Variants in ADAMTS12 observed in about 807,000 individuals in gnomAD.
ADAMTS12 encodes the protein ADAM metallopeptidase with thrombospondin type 1 motif 12, also known as A disintegrin and metalloproteinase with thrombospondin motifs 12.
In ADAMTS12, 118 loss-of-function variants were observed where a neutral mutation model predicts 167.8. The observed-to-expected ratio is 0.70, with a 90% CI of 0.61 to 0.82. The LOEUF is 0.82. Ranked by LOEUF, ADAMTS12 falls within the 40% of genes least tolerant of loss-of-function variation. ADAMTS12 has a pLI of 0.00. For missense variants in ADAMTS12, 1,916 were observed against 1,998.8 expected (o/e 0.96, Z 0.79); for synonymous variants, 704 against 716.9 (o/e 0.98, Z 0.29).
chr5:33,529,414 A>T (rs554276513), intron 23 of ADAMTS12, among the ~76,000 whole-genome samples: 93 of 152,010 alleles, frequency 6.1e-4, no homozygotes, highest in Non-Finnish European at 1.1e-3. Flanking sequence ...CTAGAAAGTG[A>T]AGTTGTTTTA....
chr5:33,671,197 T>C (rs1313643494), intron 5 of ADAMTS12, among the ~76,000 whole-genome samples: 1 of 152,120 alleles, frequency 6.6e-6, no homozygotes, highest in Non-Finnish European at 1.5e-5. Context: ...TATGAAAGGG[T>C]AGCACAAGGG....
chr5:33,526,991 G>A lies in ADAMTS12; in HGVS notation c.*197C>T. The A allele has an allele frequency of 1.6e-6, 1 of 613,850 alleles. No homozygotes were observed. Among genetic ancestry groups the A allele is most frequent in the Non-Finnish European group, 2.8e-6 (1 of 362,750 alleles). The allele number at this position is 613,850 out of a possible 1,614,324, so 38.0% of individuals were successfully genotyped here. On this transcript the variant is annotated 3_prime_UTR_variant, in exon 24 of 24. Transcript: ENST00000504830. ...AGCTATTTCACCTTCCTATCAGGGA[G>A]CAGCAAGTACGGCAGCCTAGGCCTC...
At chr5:33,692,034 A>G (rs1014251308) in intron 3 of ADAMTS12, among the ~76,000 whole-genome samples, 3 of 152,350 alleles carry the variant, frequency 2.0e-5, no homozygotes, top group South Asian at 2.1e-4. Context: ...AATACTGAAC[A>G]TGCCTGAGGC....
chr5:33,757,904 T>C (rs1745222055), intron 2 of ADAMTS12, among the ~76,000 whole-genome samples: 1 of 152,186 alleles, frequency 6.6e-6, no homozygotes, highest in Non-Finnish European at 1.5e-5. Context: ...CATTTCATCA[T>C]AGCATCGTCT....
intron 3 of ADAMTS12, among the ~76,000 whole-genome samples, chr5:33,730,290 GTGTGTGT>G (rs1250272187): frequency 0.086 from 967 of 11,290 alleles, 9 homozygotes; most frequent in African/African-American, 0.19. Flanking sequence ...GTCCATTAGG[GTGTGTGT>G]GTGTGTGTGT....
chr5:33,829,226 T>C (rs1748207922), intron 2 of ADAMTS12, among the ~76,000 whole-genome samples: 1 of 152,098 alleles, frequency 6.6e-6, no homozygotes, highest in Admixed American at 6.6e-5. Context: ...CAAGCTGGCG[T>C]TCCTGAATGT....
chr5:33,653,030 T>C (rs939613203), intron 7 of ADAMTS12, among the ~76,000 whole-genome samples: 5 of 152,170 alleles, frequency 3.3e-5, no homozygotes, highest in Admixed American at 2.0e-4. Flanking sequence ...CCTTATCTTA[T>C]TGTACTGGCT....
At chr5:33,539,219 G>A (rs1049362568) in intron 22 of ADAMTS12, among the ~76,000 whole-genome samples, 1 of 152,220 alleles carries the variant, frequency 6.6e-6, no homozygotes, top group Non-Finnish European at 1.5e-5. Flanking sequence ...TAGGACTACA[G>A]GTGTGAGCCA....
At chr5:33,717,049 T>C (rs554041206) in intron 3 of ADAMTS12, among the ~76,000 whole-genome samples, 3 of 152,010 alleles carry the variant, frequency 2.0e-5, no homozygotes, top group South Asian at 4.2e-4. Flanking sequence ...TCCTACCCTA[T>C]AGAGTTATGA....
chr5:33,846,635 T>A (rs1405504626), intron 2 of ADAMTS12, among the ~76,000 whole-genome samples: 1 of 152,192 alleles, frequency 6.6e-6, no homozygotes, highest in Non-Finnish European at 1.5e-5. Context: ...AAAGGCAAAG[T>A]TAGAGATCTT....
intron 2 of ADAMTS12, among the ~76,000 whole-genome samples, chr5:33,758,797 T>G (rs543897507): frequency 6.6e-6 from 1 of 152,204 alleles, no homozygotes; most frequent in South Asian, 2.1e-4. Flanking sequence ...ACAGCCCAGA[T>G]TCAGATACTG....
intron 20 of ADAMTS12, among the ~76,000 whole-genome samples, chr5:33,550,026 C>T (rs895630108): frequency 2.6e-5 from 4 of 152,182 alleles, no homozygotes; most frequent in South Asian, 2.1e-4. Flanking sequence ...AGCACCATCA[C>T]GTGCAGCCAT....
chr5:33,712,642 C>T (rs1428584710), intron 3 of ADAMTS12, among the ~76,000 whole-genome samples: 1 of 152,090 alleles, frequency 6.6e-6, no homozygotes, highest in Non-Finnish European at 1.5e-5. Context: ...AGAGACAAGG[C>T]TAAGTGCAAA....
intron 7 of ADAMTS12, among the ~76,000 whole-genome samples, chr5:33,651,613 A>G (rs901506990): frequency 1.3e-5 from 2 of 152,250 alleles, no homozygotes; most frequent in African/African-American, 4.8e-5. Flanking sequence ...CTAAAAAAGA[A>G]GTACCTGAGA....
In ADAMTS12 at chr5:33,540,926, T is replaced by C. The variant is rs549352165; in HGVS notation, c.4446+5133A>G. ...ATTCTAAAAACTGGAGTTCCTCTTC[T>C]CCTTCAAAGGATCGTAGCTCCTCAC... On this transcript the variant is annotated intron_variant, in intron 22 of 23. Coordinates refer to ENST00000504830, the MANE Select transcript of ADAMTS12 (RefSeq NM_030955.4). 3.3e-5 allele frequency among the ~76,000 whole-genome samples: 5 copies of C among 152,324 alleles called. No individual in the cohort carries two copies. The South Asian group carries it at 1.0e-3, about 32-fold the overall frequency.
In ADAMTS12 at chr5:33,648,979, T is replaced by A; in HGVS notation, c.1335-13A>T. On this transcript the variant is annotated splice_polypyrimidine_tract_variant and intron_variant, in intron 8 of 23. Coordinates refer to ENST00000504830, the MANE Select transcript of ADAMTS12 (RefSeq NM_030955.4). ...CCCCCAGCCTCGGCTGAAAACAAGT[T>A]AACAGAAATGAGAGGAGTTGTTTAG... 1 of 1,613,066 alleles carries A rather than the reference T, an allele frequency of 6.2e-7. No individual in the cohort carries two copies. The highest frequency in any genetic ancestry group is 2.2e-5 in the East Asian group (1 of 44,828).
At chr5:33,636,623 A>C (rs1740206857) in intron 12 of ADAMTS12, among the ~76,000 whole-genome samples, 1 of 152,174 alleles carries the variant, frequency 6.6e-6, no homozygotes, top group Admixed American at 6.5e-5. Context: ...AACAGCCCAA[A>C]TACACAATTC....
chr5:33,684,397 G>A (rs556960887), intron 3 of ADAMTS12, among the ~76,000 whole-genome samples: 1 of 152,218 alleles, frequency 6.6e-6, no homozygotes, highest in East Asian at 1.9e-4. Flanking sequence ...CAATATACCT[G>A]GCTTTTAAAT....
intron 17 of ADAMTS12, among the ~76,000 whole-genome samples, chr5:33,594,552 C>G (rs557060363): frequency 6.6e-6 from 1 of 152,308 alleles, no homozygotes; most frequent in Admixed American, 6.5e-5. Context: ...TCTTCCCTGC[C>G]TCATTCTTCC....
Sources: allele counts gnomAD v4.1 joint callset (sites outside exome capture counted in the v4.1 genomes callset), GRCh38; gene constraint gnomAD v4.1.1; transcripts MANE v1.5; gene names NCBI Gene and HGNC (gene_info 2026-07-23, HGNC 2026-07-21).